The following ATP2A1 variants were observed in gnomAD, a reference collection of about 807,000 sequenced individuals.
The protein encoded by ATP2A1 is ATPase sarcoplasmic/endoplasmic reticulum Ca2+ transporting 1, also known as sarcoplasmic/endoplasmic reticulum calcium ATPase 1.
A neutral mutation model predicts 109.5 loss-of-function variants in ATP2A1; 83 were observed. The observed-to-expected ratio is 0.76, with a 90% CI of 0.63 to 0.91. The LOEUF (loss-of-function observed/expected upper bound fraction) is 0.91, where lower values mean the gene tolerates loss of function less well. Among genes scored for constraint, ATP2A1 ranks in the 40% least tolerant of loss-of-function variants. The pLI, the probability that ATP2A1 is intolerant of heterozygous loss-of-function variation, is 0.00. For missense variants in ATP2A1, 1,101 were observed against 1,341.0 expected (o/e 0.82, Z 2.80); for synonymous variants, 505 against 537.6 (o/e 0.94, Z 0.84).
chr16:28,889,268 T>C (rs1963702807), intron 9 of ATP2A1, among the ~76,000 whole-genome samples: 2 of 152,062 alleles, frequency 1.3e-5, no homozygotes, highest in African/African-American at 4.8e-5. Context: ...AAAATTATTA[T>C]TATTTTGAGA....
intron 10 of ATP2A1, 131 bp downstream of exon 10, chr16:28,894,374 G>C: frequency 7.8e-7 from 1 of 1,287,378 alleles, no homozygotes. Context: ...TCTCTCTCCT[G>C]ATATCCGAGT....
At position 28,898,091 on chromosome 16, in the gene ATP2A1, C is replaced by T. The variant is rs1261364715; in HGVS notation, c.1511C>T (p.Ser504Phe). The T allele has an allele frequency of 6.2e-7, 1 of 1,614,038 alleles. No homozygotes were observed. Among genetic ancestry groups the T allele is most frequent in the East Asian group, 2.2e-5 (1 of 44,894 alleles). ...GTCTATTGCTCCCCAGCCAAATCTT[C>T]CCGGGCTGCTGTGGGCAACAAGATG... ...MSVYCSPAKS[S>F]RAAVGNKMFV... is the part of the protein sequence containing the mutation. The change falls in exon 13 of 23, where the codon TCC (serine) becomes TTC (phenylalanine). Residue 504 changes from serine to phenylalanine, a missense_variant. Transcript: ENST00000395503. The surrounding 1 kb of genome is among the most constrained non-coding windows in gnomAD (Gnocchi z 4.0).
rs778227959 is a variant in ATP2A1 at position 28,887,406 on chromosome 16, C to T, written c.631-19C>T. 6.2e-7 allele frequency: 1 copy of T among 1,614,020 alleles called. No homozygotes were observed. The highest frequency in any genetic ancestry group is 1.7e-5 in the Admixed American group (1 of 60,000). ...GGTCACCTCTTGCCTGATTCCCTGCCTCCTCTTTCCCTTCCCAGGGCACCA... is the reference window on the plus strand; with the variant it reads ...GGTCACCTCTTGCCTGATTCCCTGCTTCCTCTTTCCCTTCCCAGGGCACCA... On this transcript the variant is annotated intron_variant, in intron 7 of 22. Coordinates refer to ENST00000395503, the MANE Select transcript of ATP2A1 (RefSeq NM_004320.6).
chr16:28,898,486 T>G lies in ATP2A1; in HGVS notation c.1764+35T>G. 6.3e-7 allele frequency: 1 copy of G among 1,596,154 alleles called. No homozygotes were observed. On this transcript the variant is annotated intron_variant, in intron 14 of 22. Transcript: ENST00000395503. The surrounding 1 kb of genome is among the most constrained non-coding windows in gnomAD (Gnocchi z 4.0). ...TGGGAGCCTCCCACTGTCGTGGAGC[T>G]GGTGAAGGGCCGGGTCCCAGCCATC... is the stretch of plus-strand genomic sequence containing the variant.
chr16:28,902,636 G>C lies in ATP2A1; in HGVS notation c.2581G>C (p.Asp861His), dbSNP rs1374194187. 6.2e-7 allele frequency: 1 copy of C among 1,613,994 alleles called. No homozygotes were observed. Among genetic ancestry groups the C allele is most frequent in the Non-Finnish European group, 8.5e-7 (1 of 1,180,002 alleles). Residue 861 changes from aspartate to histidine, a missense_variant, in exon 18 of 23, where the codon GAT becomes CAT. By Grantham distance (81) the Asp-to-His change is moderately conservative (BLOSUM62 -1). Transcript: ENST00000395503. The surrounding 1 kb of genome is among the most constrained non-coding windows in gnomAD (Gnocchi z 4.8). ...AAAWWFLYAE[D>H]GPHVNYSQLT... ...TGCCTGGTGGTTCCTGTACGCTGAG[G>C]ATGGGCCTCATGTCAACTACAGCCA...
At chr16:28,887,902 G>A (rs1474891703) in intron 8 of ATP2A1, among the ~76,000 whole-genome samples, 180 bp downstream of exon 8, 1 of 152,108 alleles carries the variant, frequency 6.6e-6, no homozygotes, top group Non-Finnish European at 1.5e-5. Context: ...GCGGGTTCAC[G>A]CCATTCTCCT....
At chr16:28,887,826 A>G (rs1388310527) in intron 8 of ATP2A1, 104 bp downstream of exon 8, 1 of 1,434,654 alleles carries the variant, frequency 7.0e-7, no homozygotes, top group African/African-American at 1.4e-5. Flanking sequence ...TTTGAGATGG[A>G]GTCTTGCTCT....
Position 28,882,594 on chromosome 16 carries a change from GT to G in ATP2A1, c.463+6del. 6.2e-7 allele frequency: 1 copy of G among 1,614,086 alleles called. No individual in the cohort carries two copies. Among genetic ancestry groups the G allele is most frequent in the Non-Finnish European group, 8.5e-7 (1 of 1,179,982 alleles). On this transcript the variant is annotated splice_donor_region_variant and intron_variant, in intron 5 of 22. Coordinates refer to ENST00000395503, the MANE Select transcript of ATP2A1 (RefSeq NM_004320.6). Reference sequence around the variant, plus strand: ...GGGACATCGTGGAGGTGGCTGGTGAGTGACAGGGACGGCTGGTCCAGGATGG... The same window carrying G: ...GGGACATCGTGGAGGTGGCTGGTGAGGACAGGGACGGCTGGTCCAGGATGG...
chr16:28,884,527 G>A, intron 5 of ATP2A1, 48 bp from the exon 6 acceptor site: 1 of 1,553,088 alleles, frequency 6.4e-7, no homozygotes, highest in Non-Finnish European at 8.9e-7. Flanking sequence ...TTGGAAGGAA[G>A]AAAATTCCAT....
In ATP2A1 at chr16:28,902,221, C is replaced by T; in HGVS notation, c.2359C>T (p.Leu787=). 1 of 1,614,144 alleles carries T rather than the reference C, an allele frequency of 6.2e-7. No individual in the cohort carries two copies. Among genetic ancestry groups the T allele is most frequent in the Non-Finnish European group, 8.5e-7 (1 of 1,180,014 alleles). Residue 787 remains leucine (L), a synonymous_variant, in exon 17 of 23, where the codon CTG becomes TTG. Transcript: ENST00000395503. This position sits in a 1 kb window ranked among gnomAD's most constrained non-coding sequence, Gnocchi z 4.8. ...LTAALGLPEA[L]IPVQLLWVNL... Reference sequence around the variant, plus strand: ...CGCTGCCCTGGGGCTGCCTGAGGCCCTGATCCCGGTGCAGCTGCTATGGGT... The same window carrying T: ...CGCTGCCCTGGGGCTGCCTGAGGCCTTGATCCCGGTGCAGCTGCTATGGGT...
At position 28,898,259 on chromosome 16, in the gene ATP2A1, CTGTAACTA is replaced by C; in HGVS notation, c.1576_1583del (p.Asn526AlafsTer52). 6.2e-7 allele frequency: 1 copy of C among 1,614,232 alleles called. No individual in the cohort carries two copies. The highest frequency in any genetic ancestry group is 1.6e-4 in the Middle Eastern group (1 of 6,062). ...GTGCCCCTGAGGGCGTCATCGACCG[CTGTAACTA>C]TGTGCGAGTTGGCACCACCCGGGTG... is the stretch of plus-strand genomic sequence containing the variant. On this transcript the variant is annotated frameshift_variant, in exon 14 of 23. Transcript: ENST00000395503. LOFTEE classifies it high-confidence loss of function. This position sits in a 1 kb window ranked among gnomAD's most constrained non-coding sequence, Gnocchi z 4.0.
In ATP2A1 at chr16:28,898,371, T is replaced by C. The variant is rs751822166; in HGVS notation, c.1684T>C (p.Leu562=). ...WGTGRDTLRC[L]ALATRDTPPK... Reference sequence around the variant, plus strand: ...CACTGGCCGGGACACCCTGCGCTGCTTGGCCCTGGCCACCCGGGACACCCC... The same window carrying C: ...CACTGGCCGGGACACCCTGCGCTGCCTGGCCCTGGCCACCCGGGACACCCC... Residue 562 remains leucine, a synonymous_variant, in exon 14 of 23, where the codon TTG becomes CTG. Transcript: ENST00000395503. The surrounding 1 kb of genome is among the most constrained non-coding windows in gnomAD (Gnocchi z 4.0). 1.2e-6 allele frequency: 2 copies of C among 1,614,070 alleles called. No individual in the cohort carries two copies. The highest frequency in any genetic ancestry group is 2.7e-5 in the African/African-American group (2 of 74,938).
Position 28,903,829 on chromosome 16 carries a change from C to A in ATP2A1, c.*37+88C>A. On this transcript the variant is annotated intron_variant, in intron 22 of 22. Transcript: ENST00000395503. The surrounding 1 kb of genome is among the most constrained non-coding windows in gnomAD (Gnocchi z 5.6). Reference sequence around the variant, plus strand: ...CCCTTGCGCGTCGCATCCAAGGTCACTTGTGCTCGCAGCTCCACCTGGAGC... The same window carrying A: ...CCCTTGCGCGTCGCATCCAAGGTCAATTGTGCTCGCAGCTCCACCTGGAGC... 1 of 1,254,866 alleles carries A rather than the reference C, an allele frequency of 8.0e-7. No individual in the cohort carries two copies. The highest frequency in any genetic ancestry group is 1.2e-6 in the Non-Finnish European group (1 of 856,098). 77.7% of individuals were successfully genotyped at this position (1,254,866 alleles called of 1,614,324 possible). A position where few individuals can be genotyped will look rare whatever the true frequency, so the allele number is the denominator to read the frequency against.
chr16:28,895,494 T>G (rs1416082901), intron 12 of ATP2A1, among the ~76,000 whole-genome samples: 1 of 152,096 alleles, frequency 6.6e-6, no homozygotes, highest in Admixed American at 6.6e-5. Context: ...TCTCTTTTTT[T>G]GTATATGCAA....
chr16:28,887,632 A>C lies in ATP2A1; in HGVS notation c.838A>C (p.Asn280His), dbSNP rs1264251120. ...AVWLINIGHFNDPVHGGSWFR... is the reference protein window; with the variant it reads ...AVWLINIGHFHDPVHGGSWFR... ...CTGGCTTATCAACATTGGCCACTTC[A>C]ACGACCCCGTCCATGGGGGCTCCTG... The change falls in exon 8 of 23, where the codon AAC becomes CAC. Residue 280 changes from asparagine to histidine, a missense_variant. By Grantham distance (68) the Asn-to-His change is moderately conservative. Coordinates refer to ENST00000395503, the MANE Select transcript of ATP2A1 (RefSeq NM_004320.6). The C allele has an allele frequency of 1.9e-6, 3 of 1,613,928 alleles. No individual in the cohort carries two copies. Among genetic ancestry groups the C allele is most frequent in the Non-Finnish European group, 2.5e-6 (3 of 1,180,014 alleles).
chr16:28,879,763 C>A, intron 3 of ATP2A1, 180 bp downstream of exon 3: 1 of 765,952 alleles, frequency 1.3e-6, no homozygotes, highest in Non-Finnish European at 2.2e-6. Context: ...CCCCTGCACC[C>A]CAGAGGCAGG....
intron 12 of ATP2A1, among the ~76,000 whole-genome samples, chr16:28,895,468 C>T (rs186136549): frequency 6.6e-6 from 1 of 152,184 alleles, no homozygotes; most frequent in East Asian, 1.9e-4. Flanking sequence ...TTATATTCCC[C>T]ACATTTCTCT....
chr16:28,901,163 A>G (rs1964062887), intron 15 of ATP2A1, among the ~76,000 whole-genome samples: 1 of 151,974 alleles, frequency 6.6e-6, no homozygotes, highest in African/African-American at 2.4e-5. Context: ...CCTCATCTCT[A>G]CTAAAACAAA....
At position 28,898,186 on chromosome 16, in the gene ATP2A1, C is replaced by A; in HGVS notation, c.1546-47C>A. 1 of 1,614,066 alleles carries A rather than the reference C, an allele frequency of 6.2e-7. No homozygotes were observed. The highest frequency in any genetic ancestry group is 2.2e-5 in the East Asian group (1 of 44,880). On this transcript the variant is annotated intron_variant, in intron 13 of 22. Coordinates refer to ENST00000395503, the MANE Select transcript of ATP2A1 (RefSeq NM_004320.6). The surrounding 1 kb of genome is among the most constrained non-coding windows in gnomAD (Gnocchi z 4.0). ...TCCTACTCCTAGCCACCTGTCACTG[C>A]CCTGGAAGGAAAGTGGTGGTCTCTG...
Sources: allele counts gnomAD v4.1 joint callset (sites outside exome capture counted in the v4.1 genomes callset), GRCh38; gene constraint gnomAD v4.1.1; non-coding constraint Gnocchi (gnomAD v3.1); transcripts MANE v1.5; gene names NCBI Gene and HGNC (gene_info 2026-07-23, HGNC 2026-07-21).